The following HEATR4 variants were observed in gnomAD, a reference collection of about 807,000 sequenced individuals.
The protein encoded by HEATR4 is HEAT repeat-containing protein 4.
A neutral mutation model predicts 108.8 loss-of-function variants in HEATR4; 95 were observed. That is an observed-to-expected ratio of 0.87 (90% CI 0.74 to 1.04). The LOEUF (loss-of-function observed/expected upper bound fraction) is 1.04. HEATR4 is among the 50% of genes least tolerant of loss of function. The probability of loss-of-function intolerance (pLI) is 0.00; values close to 1 mark genes in which losing one functional copy is unlikely to be tolerated. For synonymous variants in HEATR4, 443 were observed against 459.4 expected, an observed-to-expected ratio of 0.96 and a Z score of 0.46; for missense variants, 1,152 against 1,253.8, an observed-to-expected ratio of 0.92 and a Z score of 1.23.
chr14:73,592,451 A>C, the HEATR4 span: 1 of 1,463,102 alleles, frequency 6.8e-7, no homozygotes, highest in Non-Finnish European at 9.0e-7. Flanking sequence ...TGTGAGCGTC[A>C]GTGGCCTGAG....
Position 73,537,804 on chromosome 14 carries a change from A to G in HEATR4, c.-151-7560T>C, listed in dbSNP as rs200381634. On this transcript the variant is annotated intron_variant, in intron 1 of 17. Transcript: ENST00000553558. ...CTGTGCCGGGTGCGGCACGAGCGCT[A>G]CTTCCTCCCGCCCGGGGTGCGGCGC... The G allele has an allele frequency of 1.5e-3, 1,853 of 1,218,114 alleles. 552 individuals are homozygous for G. Among genetic ancestry groups the G allele is most frequent in the Non-Finnish European group, 1.9e-3 (1,735 of 927,100 alleles). 75.5% of individuals were successfully genotyped at this position (1,218,114 alleles called of 1,614,324 possible). A position where few individuals can be genotyped will look rare whatever the true frequency, so the allele number is the denominator to read the frequency against.
At chr14:73,592,840 G>A in the HEATR4 span, among the ~76,000 whole-genome samples, 1 of 152,124 alleles carries the variant, frequency 6.6e-6, no homozygotes, top group Admixed American at 6.5e-5. Context: ...GTGACAGAGC[G>A]AGACTCCGTC....
Position 73,492,878 on chromosome 14 carries a change from T to A in HEATR4, c.2844+188A>T, listed in dbSNP as rs1032189656. On this transcript the variant is annotated intron_variant, in intron 17 of 17. Transcript: ENST00000553558. The surrounding 1 kb of genome is among the most constrained non-coding windows in gnomAD (Gnocchi z 4.9). ...CTGTGACAGTGTGGAGGACCAGCTG[T>A]CCTTGGCAACCACGTTGTATGATAA... The A allele has an allele frequency of 6.2e-7, 1 of 1,613,872 alleles. No individual in the cohort carries two copies. Among genetic ancestry groups the A allele is most frequent in the Non-Finnish European group, 8.5e-7 (1 of 1,179,852 alleles).
In HEATR4 at chr14:73,550,248, C is replaced by T. The variant is rs1207161842; in HGVS notation, c.-152+8503G>A. Among the ~76,000 whole-genome samples the T allele has an allele frequency of 3.5e-5, 4 of 113,062 alleles. 1 individual carries two copies. Among genetic ancestry groups the T allele is most frequent in the African/African-American group, 1.2e-4 (4 of 34,560 alleles). 74.2% of individuals were successfully genotyped at this position (113,062 alleles called of 152,430 possible). ...CAGGATAGGTAGCTAAGGGAGTGACCGTGTTCTCGGGATGCAGCGACCATG... is the reference window on the plus strand; with the variant it reads ...CAGGATAGGTAGCTAAGGGAGTGACTGTGTTCTCGGGATGCAGCGACCATG... On this transcript the variant is annotated intron_variant, in intron 1 of 17. Coordinates refer to ENST00000553558, the MANE Select transcript of HEATR4 (RefSeq NM_001220484.1).
chr14:73,579,494 G>A, the HEATR4 span, among the ~76,000 whole-genome samples: 1 of 144,758 alleles, frequency 6.9e-6, no homozygotes, highest in South Asian at 2.2e-4. Flanking sequence ...AGAATCACTT[G>A]AAACCGGAAG....
chr14:73,623,074 A>G, the HEATR4 span, among the ~76,000 whole-genome samples: 2 of 151,450 alleles, frequency 1.3e-5, no homozygotes, highest in South Asian at 4.2e-4. Flanking sequence ...ATGCCCGGCT[A>G]ATTTTGTATT....
intron 10 of HEATR4, among the ~76,000 whole-genome samples, chr14:73,505,428 G>T (rs976006174): frequency 1.3e-5 from 2 of 151,102 alleles, no homozygotes; most frequent in East Asian, 3.9e-4. Flanking sequence ...ACAGAGTCTC[G>T]CACTGTCGCC....
chr14:73,607,446 C>A, the HEATR4 span, among the ~76,000 whole-genome samples: 1 of 152,174 alleles, frequency 6.6e-6, no homozygotes, highest in East Asian at 1.9e-4. Context: ...ACCAAGAAAT[C>A]ATTTTTCCCT....
At chr14:73,628,718 A>G in the HEATR4 span, among the ~76,000 whole-genome samples, 1 of 150,980 alleles carries the variant, frequency 6.6e-6, no homozygotes, top group Non-Finnish European at 1.5e-5. Flanking sequence ...GGGCCATTGC[A>G]CTGCAGCCTG....
chr14:73,570,579 C>G, the HEATR4 span, among the ~76,000 whole-genome samples: 2 of 148,128 alleles, frequency 1.4e-5, no homozygotes, highest in African/African-American at 2.5e-5. Context: ...AAAAAAAAGA[C>G]ATTGTAAGGA....
the HEATR4 span, among the ~76,000 whole-genome samples, chr14:73,625,453 C>T: frequency 4.6e-5 from 7 of 152,110 alleles, no homozygotes; most frequent in Admixed American, 1.3e-4. Context: ...CCTCCGCCTC[C>T]CAGGTTCAAG....
At chr14:73,578,963 T>G in the HEATR4 span, among the ~76,000 whole-genome samples, 1 of 151,408 alleles carries the variant, frequency 6.6e-6, no homozygotes, top group African/African-American at 2.4e-5. Context: ...CGGGTGCCTG[T>G]AGTCCCAGCT....
At chr14:73,598,231 A>AAC in the HEATR4 span, among the ~76,000 whole-genome samples, 5 of 147,028 alleles carry the variant, frequency 3.4e-5, no homozygotes, top group Admixed American at 6.8e-5. Flanking sequence ...AAAAAAAAAA[A>AAC]AAAAAAAACA....
chr14:73,500,004 C>T (rs1375994918), intron 12 of HEATR4, among the ~76,000 whole-genome samples: 2 of 152,132 alleles, frequency 1.3e-5, no homozygotes, highest in Non-Finnish European at 2.9e-5. Context: ...CCGAGGCGGG[C>T]GGATCACGAA....
rs1888802724 is a variant in HEATR4 at position 73,534,592 on chromosome 14, G to A, written c.-151-4348C>T. Reference sequence around the variant, plus strand: ...TGGTCCCAGGTGCTCGGGAGGCTGAGGTGGGAGAACTGTCTAAGCCTGGGA... The same window carrying A: ...TGGTCCCAGGTGCTCGGGAGGCTGAAGTGGGAGAACTGTCTAAGCCTGGGA... On this transcript the variant is annotated intron_variant, in intron 1 of 17. Transcript: ENST00000553558. 1.8e-5 allele frequency among the ~76,000 whole-genome samples: 2 copies of A among 110,052 alleles called. 1 individual carries two copies. The allele number at this position is 110,052 out of a possible 152,430, so 72.2% of individuals were successfully genotyped here.
chr14:73,589,747 G>A, the HEATR4 span, among the ~76,000 whole-genome samples: 7 of 152,308 alleles, frequency 4.6e-5, no homozygotes, highest in East Asian at 1.3e-3. Context: ...CAACAACGAA[G>A]CCACAGACCC....
rs760340767 is a variant in HEATR4, at chr14:73,478,686, A to G, written c.3001T>C (p.Tyr1001His). ...GPFRSDYPAL[Y>H]LGKFSERTFF... ...GTTCTCTCTGAGAATTTACCCAGATAAAGAGCTGGGTAGTCGGATCTAAAT... is the reference window on the plus strand; with the variant it reads ...GTTCTCTCTGAGAATTTACCCAGATGAAGAGCTGGGTAGTCGGATCTAAAT... The change falls in exon 18 of 18, where the codon TAT becomes CAT. Residue 1001 changes from tyrosine (Y) to histidine (H), a missense_variant. Transcript: ENST00000553558. 2 of 1,613,898 alleles carry G rather than the reference A, an allele frequency of 1.2e-6. No homozygotes were observed. The highest frequency in any genetic ancestry group is 1.1e-5 in the South Asian group (1 of 91,058).
chr14:73,577,503 C>T, the HEATR4 span, among the ~76,000 whole-genome samples: 3 of 140,096 alleles, frequency 2.1e-5, no homozygotes, highest in African/African-American at 8.0e-5. Flanking sequence ...CCAAGTCCCA[C>T]CCCAAGATGC....
intron 17 of HEATR4, chr14:73,491,690 C>G: frequency 6.5e-7 from 1 of 1,549,724 alleles, no homozygotes; most frequent in Non-Finnish European, 8.7e-7. Flanking sequence ...CCTATGGGAG[C>G]GCGAGGCGGT....
Sources: gnomAD v4.1 joint callset for allele counts (sites outside exome capture counted in the v4.1 genomes callset) on GRCh38, gnomAD v4.1.1 for gene constraint, Gnocchi (gnomAD v3.1) non-coding constraint, MANE v1.5 for transcripts, NCBI Gene and HGNC (gene_info 2026-07-23, HGNC 2026-07-21) for gene names.